The following TSHZ3 variants were observed in gnomAD, a reference collection of about 807,000 sequenced individuals.
TSHZ3 encodes teashirt zinc finger homeobox 3, also known as teashirt homolog 3.
In TSHZ3, 10 loss-of-function variants were observed where a neutral mutation model predicts 64.5. The observed-to-expected ratio is 0.16, with a 90% CI of 0.10 to 0.26. The LOEUF (loss-of-function observed/expected upper bound fraction) is 0.26, where lower values mean the gene tolerates loss of function less well. TSHZ3 is among the 10% of genes least tolerant of loss of function. The probability of loss-of-function intolerance (pLI) is 1.00; values close to 1 mark genes in which losing one functional copy is unlikely to be tolerated. For missense variants in TSHZ3, 1,242 were observed against 1,421.7 expected (o/e 0.87, Z 2.03); for synonymous variants, 608 against 593.1 (o/e 1.03, Z -0.36).
chr19:31,291,664 CTT>C (rs993487925), intron 1 of TSHZ3, among the ~76,000 whole-genome samples: 5 of 152,220 alleles, frequency 3.3e-5, no homozygotes, highest in African/African-American at 1.2e-4. Flanking sequence ...TAAATACTCA[CTT>C]TGGGGACCAT....
At position 31,349,282 on chromosome 19, in the gene TSHZ3, G is replaced by A. The variant is rs548731126; in HGVS notation, c.-63C>T. On this transcript the variant is annotated 5_prime_UTR_variant, in exon 1 of 2. Transcript: ENST00000240587. ...CCGCTGCCGGGCTGAGGACAGGGAGGGAGGGGGCGGCGGGCCCGCGGGGGG... is the reference window on the plus strand; with the variant it reads ...CCGCTGCCGGGCTGAGGACAGGGAGAGAGGGGGCGGCGGGCCCGCGGGGGG... The A allele has an allele frequency of 1.5e-6, 2 of 1,338,136 alleles. No homozygotes were observed. The highest frequency in any genetic ancestry group is 1.9e-6 in the Non-Finnish European group (2 of 1,054,238). The allele number at this position is 1,338,136 out of a possible 1,614,324, so 82.9% of individuals were successfully genotyped here.
At chr19:31,180,021 T>C (rs1339417710) in intron 5 of TSHZ3, among the ~76,000 whole-genome samples, 1 of 152,146 alleles carries the variant, frequency 6.6e-6, no homozygotes, top group Non-Finnish European at 1.5e-5. Flanking sequence ...TCTGCTCCCT[T>C]GGACCTCCCT....
rs985614794 is a variant in TSHZ3 at position 31,278,217 on chromosome 19, A to G, written c.1576T>C (p.Leu526=). The change falls in exon 2 of 2, where the codon TTG becomes CTG. Residue 526 remains leucine (L), a synonymous_variant. Coordinates refer to ENST00000240587, the MANE Select transcript of TSHZ3 (RefSeq NM_020856.4). The surrounding 1 kb of genome is among the most constrained non-coding windows in gnomAD (Gnocchi z 4.7). ...PKGGLDILKS[L]ENTVTSAINK... is the part of the protein sequence containing the mutation. Reference sequence around the variant, plus strand: ...ATTGCGGATGTCACTGTGTTTTCCAAGGATTTGAGGATATCAAGCCCCCCC... The same window carrying G: ...ATTGCGGATGTCACTGTGTTTTCCAGGGATTTGAGGATATCAAGCCCCCCC... The G allele has an allele frequency of 3.1e-6, 5 of 1,614,004 alleles. No homozygotes were observed. Among genetic ancestry groups the G allele is most frequent in the African/African-American group, 2.7e-5 (2 of 74,910 alleles).
At chr19:31,349,792 C>T (rs2021653256), upstream of TSHZ3, among the ~76,000 whole-genome samples, 1 of 146,354 alleles carries the variant, frequency 6.8e-6, no homozygotes, top group Non-Finnish European at 1.5e-5. Flanking sequence ...GCCCGGGGCT[C>T]GGCGGTCCAG....
chr19:31,185,105 A>AAC (rs67283121), intron 5 of TSHZ3, among the ~76,000 whole-genome samples: 42 of 15,614 alleles, frequency 2.7e-3, no homozygotes, highest in African/African-American at 7.1e-3. Flanking sequence ...AAACAACAAC[A>AAC]AAAAAAAAAA....
intron 5 of TSHZ3, among the ~76,000 whole-genome samples, chr19:31,176,086 G>A (rs1568337659): frequency 6.6e-6 from 1 of 152,168 alleles, no homozygotes; most frequent in Non-Finnish European, 1.5e-5. Flanking sequence ...TGGGGTTGGG[G>A]GCACCTTGAG....
chr19:31,341,558 T>C (rs1275397620), intron 1 of TSHZ3, among the ~76,000 whole-genome samples: 3 of 151,964 alleles, frequency 2.0e-5, no homozygotes, highest in Non-Finnish European at 4.4e-5. Context: ...TTTCCCTTAT[T>C]GCACTGTTAT....
chr19:31,226,823 A>G (rs2145172270), intron 4 of TSHZ3, among the ~76,000 whole-genome samples: 1 of 152,230 alleles, frequency 6.6e-6, no homozygotes, highest in Non-Finnish European at 1.5e-5. Context: ...ATCTTAGACA[A>G]TAAATTTTAA....
intron 1 of TSHZ3, among the ~76,000 whole-genome samples, chr19:31,339,327 T>C (rs1185106883): frequency 6.6e-6 from 1 of 151,966 alleles, no homozygotes; most frequent in Non-Finnish European, 1.5e-5. Flanking sequence ...ATAATATGAA[T>C]GAGCATAACC....
upstream of TSHZ3, among the ~76,000 whole-genome samples, chr19:31,350,554 C>T (rs2145210796): frequency 6.6e-6 from 1 of 151,726 alleles, no homozygotes; most frequent in East Asian, 2.0e-4. Context: ...TAGGGGGCCG[C>T]CGCGCCGTGT....
intron 4 of TSHZ3, among the ~76,000 whole-genome samples, chr19:31,208,053 G>C (rs1975209855): frequency 6.6e-6 from 1 of 152,138 alleles, no homozygotes; most frequent in South Asian, 2.1e-4. Context: ...AACACCCTTA[G>C]CACCAAGCAC....
At chr19:31,200,210 C>T (rs1269582158) in intron 5 of TSHZ3, among the ~76,000 whole-genome samples, 1 of 152,008 alleles carries the variant, frequency 6.6e-6, no homozygotes, top group African/African-American at 2.4e-5. Context: ...TGCAATCTCA[C>T]TCCTTGGTAT....
chr19:31,327,219 C>T (rs1269348790), intron 1 of TSHZ3, among the ~76,000 whole-genome samples: 1 of 152,218 alleles, frequency 6.6e-6, no homozygotes, highest in Non-Finnish European at 1.5e-5. Context: ...TCGACCAATT[C>T]CCTTCTTCCC....
chr19:31,314,928 G>A (rs1457558101), intron 1 of TSHZ3, among the ~76,000 whole-genome samples: 2 of 152,184 alleles, frequency 1.3e-5, no homozygotes, highest in East Asian at 1.9e-4. Flanking sequence ...GAGAAAGGAC[G>A]ACGGGTCCTA....
rs1193114369 is a variant in TSHZ3 at position 31,280,113 on chromosome 19, A to T, written c.41-361T>A. On this transcript the variant is annotated intron_variant, in intron 1 of 1. Transcript: ENST00000240587. ...TAAATTACTTGTATCAACCTCAGAG[A>T]CAGCAGTTCCTGTCTGTCAATTAAT... 3.3e-5 allele frequency among the ~76,000 whole-genome samples: 5 copies of T among 152,184 alleles called. No individual in the cohort carries two copies. In the South Asian group the frequency reaches 8.3e-4, roughly 25 times the overall value.
At chr19:31,339,266 G>C (rs958800246) in intron 1 of TSHZ3, among the ~76,000 whole-genome samples, 1 of 151,948 alleles carries the variant, frequency 6.6e-6, no homozygotes, top group Non-Finnish European at 1.5e-5. Context: ...ATGAGAAAGG[G>C]GGGAAAAAAA....
intron 1 of TSHZ3, among the ~76,000 whole-genome samples, chr19:31,260,479 C>G (rs566870919): frequency 6.6e-6 from 1 of 152,326 alleles, no homozygotes; most frequent in South Asian, 2.1e-4. Context: ...CACCTGATCT[C>G]TGGGCTCTGT....
intron 5 of TSHZ3, among the ~76,000 whole-genome samples, chr19:31,189,068 A>G (rs1035681828): frequency 6.6e-6 from 1 of 151,942 alleles, no homozygotes; most frequent in Non-Finnish European, 1.5e-5. Context: ...AGTTGTTCAT[A>G]GCATTCCCTT....
intron 1 of TSHZ3, among the ~76,000 whole-genome samples, chr19:31,294,506 C>A (rs1035934409): frequency 2.0e-5 from 3 of 152,170 alleles, no homozygotes; most frequent in Non-Finnish European, 4.4e-5. Flanking sequence ...ACCCAGGCCT[C>A]ACTAGTGTGC....
Sources: gnomAD v4.1 joint callset for allele counts (sites outside exome capture counted in the v4.1 genomes callset) on GRCh38, gnomAD v4.1.1 for gene constraint, Gnocchi (gnomAD v3.1) non-coding constraint, MANE v1.5 for transcripts, NCBI Gene and HGNC (gene_info 2026-07-23, HGNC 2026-07-21) for gene names.